The following ROCK1 variants were observed in gnomAD, a reference collection of about 807,000 sequenced individuals.
ROCK1 encodes rho-associated protein kinase 1.
ROCK1 carries 36 observed loss-of-function variants against 196.8 expected under a neutral mutation model. The observed-to-expected ratio is 0.18, with a 90% CI of 0.14 to 0.24. The LOEUF is 0.24. Among genes scored for constraint, ROCK1 ranks in the 10% least tolerant of loss-of-function variants. The pLI is 1.00. For synonymous variants in ROCK1, 443 were observed against 515.9 expected, an observed-to-expected ratio of 0.86 and a Z score of 1.91; for missense variants, 920 against 1,562.0, an observed-to-expected ratio of 0.59 and a Z score of 6.93.
rs189125340 is a variant in ROCK1, at chr18:21,048,405, T to C, written c.414+687A>G. Among the ~76,000 whole-genome samples the C allele has an allele frequency of 2.8e-4, 42 of 152,218 alleles. No homozygotes were observed. The East Asian group carries it at 5.0e-3, about 18-fold the overall frequency. ...GCTAAACAAAATGAGAGCCTCATGT[T>C]TGGGGAAAAAAATTCAATATTAACT... is the stretch of plus-strand genomic sequence containing the variant. On this transcript the variant is annotated intron_variant, in intron 4 of 32. Coordinates refer to ENST00000399799, the MANE Select transcript of ROCK1 (RefSeq NM_005406.3).
At chr18:21,057,629 C>T (rs975502494) in intron 2 of ROCK1, among the ~76,000 whole-genome samples, 1 of 152,160 alleles carries the variant, frequency 6.6e-6, no homozygotes, top group African/African-American at 2.4e-5. Flanking sequence ...CAAGACCAGC[C>T]TGGCCAACAT....
chr18:21,109,747 T>C (rs2036733627), intron 1 of ROCK1, among the ~76,000 whole-genome samples: 1 of 152,220 alleles, frequency 6.6e-6, no homozygotes, highest in African/African-American at 2.4e-5. Context: ...AAATGCACGT[T>C]AATTTTAAAC....
intron 12 of ROCK1, among the ~76,000 whole-genome samples, chr18:21,018,067 C>A (rs1204939408): frequency 4.6e-5 from 7 of 151,944 alleles, no homozygotes; most frequent in Admixed American, 3.9e-4. Context: ...ATTTTAAAAA[C>A]TATTTACCAA....
rs1184705945 is a variant in ROCK1 at position 20,970,504 on chromosome 18, A to C, written c.2664T>G (p.Leu888=). Reference sequence around the variant, plus strand: ...TTTCTGCTAGATCCAACTGAGTAGCAAGAGTTTCTCTGCAACAATTTTTTA... The same window carrying C: ...TTTCTGCTAGATCCAACTGAGTAGCCAGAGTTTCTCTGCAACAATTTTTTA... The part of the protein sequence containing the change: ...IQELQNEKET[L]ATQLDLAETK... The change falls in exon 23 of 33, where the codon CTT becomes CTG. Residue 888 remains leucine, a synonymous_variant. Coordinates refer to ENST00000399799, the MANE Select transcript of ROCK1 (RefSeq NM_005406.3). 2 of 1,597,948 alleles carry C rather than the reference A, an allele frequency of 1.3e-6. No individual in the cohort carries two copies. The highest frequency in any genetic ancestry group is 1.7e-6 in the Non-Finnish European group (2 of 1,169,602).
At chr18:21,002,739 C>T (rs1318875054) in intron 16 of ROCK1, among the ~76,000 whole-genome samples, 1 of 151,888 alleles carries the variant, frequency 6.6e-6, no homozygotes, top group Middle Eastern at 3.2e-3. Flanking sequence ...TTTTTTCATT[C>T]GTTTGTTTGT....
chr18:21,107,484 AT>A (rs2036712714), intron 1 of ROCK1, among the ~76,000 whole-genome samples: 1 of 152,236 alleles, frequency 6.6e-6, no homozygotes, highest in African/African-American at 2.4e-5. Flanking sequence ...ATAAGTAAGT[AT>A]CAGTTACACA....
intron 5 of ROCK1, among the ~76,000 whole-genome samples, chr18:21,044,580 T>C (rs572915495): frequency 1.3e-5 from 2 of 152,292 alleles, no homozygotes; most frequent in Non-Finnish European, 2.9e-5. Flanking sequence ...GCACAGCAAC[T>C]GCACACAGGA....
rs771581381 is a variant in ROCK1 at position 20,959,904 on chromosome 18, T to C, written c.3448A>G (p.Ile1150Val). The C allele has an allele frequency of 2.1e-5, 33 of 1,606,338 alleles. No individual in the cohort carries two copies. Among genetic ancestry groups the C allele is most frequent in the Non-Finnish European group, 2.7e-5 (32 of 1,174,374 alleles). ...TCTTGTTCGTCATTATAGAACAAAATTTTTTTGCTGCTTACCACAACATAC... is the reference window on the plus strand; with the variant it reads ...TCTTGTTCGTCATTATAGAACAAAACTTTTTTGCTGCTTACCACAACATAC... ...KQYVVVSSKK[I>V]LFYNDEQDKE... Residue 1150 changes from isoleucine (I) to valine (V), a missense_variant, in exon 29 of 33, where the codon ATT becomes GTT. Transcript: ENST00000399799.
intron 2 of ROCK1, among the ~76,000 whole-genome samples, chr18:21,060,826 C>T (rs1367623670): frequency 3.3e-5 from 4 of 119,472 alleles, no homozygotes; most frequent in Non-Finnish European, 4.8e-5. Context: ...GCGAGAAGAG[C>T]GAAACTCCAT....
At chr18:20,952,979 G>T (rs932586760) in intron 32 of ROCK1, among the ~76,000 whole-genome samples, 2 of 152,096 alleles carry the variant, frequency 1.3e-5, no homozygotes, top group Non-Finnish European at 2.9e-5. Flanking sequence ...GTCGAGGGAT[G>T]GGGGGCTAGG....
At chr18:21,003,828 G>A (rs2035746773) in intron 16 of ROCK1, among the ~76,000 whole-genome samples, 1 of 151,758 alleles carries the variant, frequency 6.6e-6, no homozygotes. Context: ...ATACTCAACT[G>A]GTAAGTATAC....
chr18:20,991,149 T>C, intron 18 of ROCK1, 27 bp downstream of exon 18: 1 of 1,557,030 alleles, frequency 6.4e-7, no homozygotes. Flanking sequence ...AAGTCAATTT[T>C]GTAAAAATAT....
chr18:21,042,698 T>C lies in ROCK1; in HGVS notation c.687A>G (p.Val229=). 3 of 1,604,512 alleles carry C rather than the reference T, an allele frequency of 1.9e-6. No individual in the cohort carries two copies. The highest frequency in any genetic ancestry group is 1.1e-5 in the South Asian group (1 of 88,914). Residue 229 remains valine (V), a synonymous_variant, in exon 7 of 33, where the codon GTA becomes GTG. Coordinates refer to ENST00000399799, the MANE Select transcript of ROCK1 (RefSeq NM_005406.3). The part of the protein sequence containing the change: ...TCMKMNKEGM[V]RCDTAVGTPD... ...GTGTTCCAACCGCTGTATCACATCG[T>C]ACCATGCCTTCCTAAAAAGCGCGGC...
intron 29 of ROCK1, among the ~76,000 whole-genome samples, chr18:20,959,116 A>G (rs1356284371): frequency 1.9e-5 from 1 of 53,708 alleles, no homozygotes; most frequent in East Asian, 5.9e-4. Context: ...TATATATATT[A>G]TATAATATAT....
intron 1 of ROCK1, among the ~76,000 whole-genome samples, chr18:21,098,002 G>A (rs1326458403): frequency 6.6e-6 from 1 of 152,222 alleles, no homozygotes; most frequent in African/African-American, 2.4e-5. Flanking sequence ...TCAGAGATGG[G>A]ATAAATGGAT....
Position 20,970,373 on chromosome 18 carries a change from G to C in ROCK1, c.2795C>G (p.Thr932Arg). 6.2e-7 allele frequency: 1 copy of C among 1,613,682 alleles called. No homozygotes were observed. The highest frequency in any genetic ancestry group is 8.5e-7 in the Non-Finnish European group (1 of 1,179,742). ...CCGACTAACAGTGTGATCTTTATCT[G>C]TAATCTCTTGTCTATTTCTTGAAGC... ...KAASRNRQEI[T>R]DKDHTVSRLE... Residue 932 changes from threonine to arginine, a missense_variant, in exon 23 of 33, where the codon ACA (threonine) becomes AGA (arginine). Physicochemically the swap from Thr to Arg is moderately conservative, Grantham distance 71. This residue lies in a region of ROCK1 where 520 missense variants were observed against 657.1 expected (regional missense o/e 0.79). Transcript: ENST00000399799.
chr18:21,062,596 C>T (rs1330500582), intron 2 of ROCK1, among the ~76,000 whole-genome samples: 1 of 152,018 alleles, frequency 6.6e-6, no homozygotes, highest in Non-Finnish European at 1.5e-5. Context: ...CCAAATAATA[C>T]GTGTAAAGTC....
intron 14 of ROCK1, among the ~76,000 whole-genome samples, chr18:21,007,188 T>C (rs2035775767): frequency 6.6e-6 from 1 of 152,118 alleles, no homozygotes; most frequent in Non-Finnish European, 1.5e-5. Context: ...AAGTCCTCCT[T>C]TCTCCATTTA....
intron 29 of ROCK1, 33 bp from the exon 30 acceptor site, chr18:20,955,278 A>C (rs190025047): frequency 1.9e-6 from 3 of 1,559,892 alleles, no homozygotes; most frequent in African/African-American, 2.8e-5. Context: ...CCATTTACAA[A>C]AACTCATTTA....
Sources: gnomAD v4.1 joint callset for allele counts (sites outside exome capture counted in the v4.1 genomes callset) on GRCh38, gnomAD v4.1.1 for gene constraint, gnomAD v4.1.1 regional missense constraint, MANE v1.5 for transcripts, NCBI Gene and HGNC (gene_info 2026-07-23, HGNC 2026-07-21) for gene names.